Variants in RBMS3 observed in about 807,000 individuals in gnomAD.
RBMS3 encodes RNA binding motif single stranded interacting protein 3.
Under a neutral mutation model 66.8 loss-of-function variants are expected in RBMS3, and 27 were observed. That is an observed-to-expected ratio of 0.40 (90% CI 0.30 to 0.56). RBMS3 has a LOEUF of 0.56. Ranked by LOEUF, RBMS3 falls within the 20% of genes least tolerant of loss-of-function variation. The probability of loss-of-function intolerance (pLI) is 0.40; values close to 1 mark genes in which losing one functional copy is unlikely to be tolerated. For synonymous variants in RBMS3, 188 were observed against 183.0 expected (o/e 1.03, Z -0.22); for missense variants, 513 against 549.5 (o/e 0.93, Z 0.66).
chr3:29,482,853 G>A (rs1180214151), intron 2 of RBMS3, among the ~76,000 whole-genome samples: 2 of 150,994 alleles, frequency 1.3e-5, no homozygotes, highest in Non-Finnish European at 3.0e-5. Context: ...GATTACAGGT[G>A]TGCACCACCA....
intron 6 of RBMS3, among the ~76,000 whole-genome samples, chr3:29,772,473 A>G (rs900238095): frequency 1.3e-5 from 2 of 151,984 alleles, no homozygotes; most frequent in Non-Finnish European, 2.9e-5. Context: ...TTGAAGAAAA[A>G]TCATATTCAG....
At chr3:29,608,269 G>A (rs968930533) in intron 4 of RBMS3, among the ~76,000 whole-genome samples, 4 of 151,840 alleles carry the variant, frequency 2.6e-5, no homozygotes, top group African/African-American at 9.7e-5. Flanking sequence ...ATTAACTTTT[G>A]TGGAAGTATC....
chr3:29,719,562 C>T (rs1410416493), intron 4 of RBMS3, among the ~76,000 whole-genome samples: 1 of 152,088 alleles, frequency 6.6e-6, no homozygotes. Flanking sequence ...TTAGGTGAAA[C>T]TAGATGAGTC....
chr3:29,348,603 CTT>C, intron 1 of RBMS3, among the ~76,000 whole-genome samples: 1 of 151,518 alleles, frequency 6.6e-6, no homozygotes, highest in Non-Finnish European at 1.5e-5. Flanking sequence ...TCAAAACACT[CTT>C]TATGTTTAAA....
chr3:29,876,380 GA>G (rs200022992), intron 7 of RBMS3, among the ~76,000 whole-genome samples: 1 of 149,912 alleles, frequency 6.7e-6, no homozygotes. Flanking sequence ...AACAAAATAG[GA>G]AAAAAAAAGC....
intron 6 of RBMS3, among the ~76,000 whole-genome samples, chr3:29,796,626 C>T (rs568701247): frequency 2.1e-4 from 31 of 151,072 alleles, no homozygotes; most frequent in African/African-American, 7.6e-4. Context: ...GGCCTGAAAA[C>T]AACATTAATC....
Position 29,457,827 on chromosome 3 carries a change from C to CTT in RBMS3, c.248+22928_248+22929dup, listed in dbSNP as rs36020077. On this transcript the variant is annotated intron_variant, in intron 2 of 14. Transcript: ENST00000383767. ...AGCTCTTACCATTTCTCAATTTGCA[C>CTT]TTTTTTTTTTTTTTTTTGACATTAA... 2.9e-3 allele frequency among the ~76,000 whole-genome samples: 404 copies of CTT among 140,800 alleles called. 5 individuals are homozygous for CTT. Among genetic ancestry groups the CTT allele is most frequent in the African/African-American group, 2.5e-3 (94 of 38,352 alleles). 92.4% of individuals were successfully genotyped at this position (140,800 alleles called of 152,430 possible).
At chr3:29,638,226 G>A (rs962691919) in intron 4 of RBMS3, among the ~76,000 whole-genome samples, 3 of 138,352 alleles carry the variant, frequency 2.2e-5, no homozygotes, top group Admixed American at 1.5e-4. Context: ...GAGTTTTCTT[G>A]TAGTAATTTT....
chr3:29,468,351 A>G (rs948415517), intron 2 of RBMS3, among the ~76,000 whole-genome samples: 2 of 152,154 alleles, frequency 1.3e-5, no homozygotes, highest in African/African-American at 2.4e-5. Flanking sequence ...GCTTGTTTAG[A>G]TAACTGCACA....
chr3:29,573,826 G>T (rs1274750734), intron 3 of RBMS3, among the ~76,000 whole-genome samples: 2 of 152,002 alleles, frequency 1.3e-5, no homozygotes, highest in African/African-American at 4.8e-5. Flanking sequence ...TGAACCACTG[G>T]TTATTCAGGA....
chr3:29,806,603 A>T (rs2057555773), intron 6 of RBMS3, among the ~76,000 whole-genome samples: 1 of 151,886 alleles, frequency 6.6e-6, no homozygotes, highest in Non-Finnish European at 1.5e-5. Context: ...GTAAAATGTA[A>T]ATTTTATGTA....
chr3:29,584,138 G>A (rs2047427350), intron 3 of RBMS3, among the ~76,000 whole-genome samples: 1 of 152,080 alleles, frequency 6.6e-6, no homozygotes, highest in South Asian at 2.1e-4. Flanking sequence ...GTGACATCAT[G>A]TTTCTAAAGA....
At chr3:29,523,194 T>A (rs1275776433) in intron 3 of RBMS3, among the ~76,000 whole-genome samples, 1 of 152,144 alleles carries the variant, frequency 6.6e-6, no homozygotes, top group Non-Finnish European at 1.5e-5. Flanking sequence ...ACCACTACCC[T>A]CCACTGCCTC....
At position 29,917,036 on chromosome 3, in the gene RBMS3, C is replaced by A. The variant is rs187100164; in HGVS notation, c.939+17281C>A. On this transcript the variant is annotated intron_variant, in intron 10 of 14. Coordinates refer to ENST00000383767, the MANE Select transcript of RBMS3 (RefSeq NM_001003793.3). Reference sequence around the variant, plus strand: ...TATAGTTAGTGACTTATTGGAAAAACGAAACCAGAGTCATTCATTCCTCTA... The same window carrying A: ...TATAGTTAGTGACTTATTGGAAAAAAGAAACCAGAGTCATTCATTCCTCTA... Among the ~76,000 whole-genome samples, 3 of 152,020 alleles carry A rather than the reference C, an allele frequency of 2.0e-5. No homozygotes were observed. The South Asian group carries it at 6.2e-4, about 32-fold the overall frequency.
chr3:29,529,810 G>A (rs1193340134), intron 3 of RBMS3, among the ~76,000 whole-genome samples: 4 of 151,984 alleles, frequency 2.6e-5, no homozygotes, highest in Admixed American at 1.3e-4. Context: ...GTGAAATTAC[G>A]GGATTTTTTA....
At chr3:29,454,685 A>G (rs1408463155) in intron 2 of RBMS3, among the ~76,000 whole-genome samples, 2 of 152,282 alleles carry the variant, frequency 1.3e-5, no homozygotes, top group South Asian at 2.1e-4. Flanking sequence ...TATAGTTTCA[A>G]TGGTATTCTG....
intron 1 of RBMS3, among the ~76,000 whole-genome samples, chr3:29,420,005 A>C (rs1354691850): frequency 6.6e-6 from 1 of 152,180 alleles, no homozygotes; most frequent in East Asian, 1.9e-4. Flanking sequence ...CATTCTGCTT[A>C]AGATGTAGTC....
At chr3:29,770,894 A>C (rs1459791522) in intron 6 of RBMS3, among the ~76,000 whole-genome samples, 5 of 152,022 alleles carry the variant, frequency 3.3e-5, no homozygotes, top group Non-Finnish European at 7.4e-5. Context: ...GGATTGATTT[A>C]AGAACACATT....
chr3:29,685,318 C>G (rs1022727318), intron 4 of RBMS3, among the ~76,000 whole-genome samples: 2 of 152,198 alleles, frequency 1.3e-5, no homozygotes, highest in South Asian at 4.1e-4. Context: ...GCCTCGACCT[C>G]CCAAAGTGCT....
Sources: gnomAD v4.1 joint callset for allele counts (sites outside exome capture counted in the v4.1 genomes callset) on GRCh38, gnomAD v4.1.1 for gene constraint, MANE v1.5 for transcripts, NCBI Gene and HGNC (gene_info 2026-07-23, HGNC 2026-07-21) for gene names.